The following ROBO2 variants were observed in gnomAD, a reference collection of about 807,000 sequenced individuals.
ROBO2 encodes roundabout guidance receptor 2.
In ROBO2, 53 loss-of-function variants were observed where a neutral mutation model predicts 160.8. The observed-to-expected ratio is 0.33, with a 90% CI of 0.26 to 0.41. The LOEUF (loss-of-function observed/expected upper bound fraction) is 0.41. ROBO2 is among the 10% of genes least tolerant of loss of function. The pLI, the probability that ROBO2 is intolerant of heterozygous loss-of-function variation, is 1.00. For missense variants in ROBO2, 1,577 were observed against 1,722.4 expected (o/e 0.92, Z 1.49); for synonymous variants, 664 against 611.7 (o/e 1.09, Z -1.26).
chr3:77,068,260 A>C (rs2067064979), intron 1 of ROBO2, among the ~76,000 whole-genome samples: 1 of 152,068 alleles, frequency 6.6e-6, no homozygotes, highest in Non-Finnish European at 1.5e-5. Context: ...GATATAAGAA[A>C]ATATATTTTT....
intron 2 of ROBO2, among the ~76,000 whole-genome samples, chr3:76,401,479 T>C (rs897751415): frequency 6.6e-6 from 1 of 151,488 alleles, no homozygotes; most frequent in African/African-American, 2.4e-5. Flanking sequence ...ACATGTAACA[T>C]AGATGGGAAG....
At chr3:76,297,905 G>A (rs1279127760) in intron 2 of ROBO2, among the ~76,000 whole-genome samples, 1 of 152,118 alleles carries the variant, frequency 6.6e-6, no homozygotes, top group African/African-American at 2.4e-5. Context: ...TAAAACAAGA[G>A]CAGGTACAAG....
At chr3:75,912,208 G>C (rs9870204) in intron 1 of ROBO2, among the ~76,000 whole-genome samples, 126,285 of 152,124 alleles carry the variant, frequency 0.83, 52,503 homozygotes, top group East Asian at 0.93. Context: ...ACAGGACAAA[G>C]TTTGATGAGA....
At chr3:77,393,185 A>C (rs1443238802) in intron 2 of ROBO2, among the ~76,000 whole-genome samples, 2 of 152,196 alleles carry the variant, frequency 1.3e-5, no homozygotes, top group East Asian at 3.8e-4. Context: ...ATCAATTAAC[A>C]TATTTTTATT....
chr3:77,436,852 G>T (rs1049379089), intron 2 of ROBO2, among the ~76,000 whole-genome samples: 7 of 151,886 alleles, frequency 4.6e-5, no homozygotes, highest in Admixed American at 1.3e-4. Flanking sequence ...TGTATGCAGA[G>T]GAAATATCTG....
At chr3:77,116,107 T>A (rs778102514) in intron 2 of ROBO2, among the ~76,000 whole-genome samples, 1 of 152,332 alleles carries the variant, frequency 6.6e-6, no homozygotes, top group Non-Finnish European at 1.5e-5. Context: ...TGAAATGCTC[T>A]TTGTGCACCT....
chr3:77,425,661 A>G (rs1320228327), intron 2 of ROBO2, among the ~76,000 whole-genome samples: 1 of 146,576 alleles, frequency 6.8e-6, no homozygotes, highest in Non-Finnish European at 1.5e-5. Flanking sequence ...AACGACTTCA[A>G]TATGACTCTT....
At chr3:76,533,837 T>C (rs1372069648) in intron 2 of ROBO2, among the ~76,000 whole-genome samples, 1 of 151,254 alleles carries the variant, frequency 6.6e-6, no homozygotes, top group Non-Finnish European at 1.5e-5. Flanking sequence ...TGTCCCAGGG[T>C]CAACTGATCA....
At chr3:77,578,683 T>C (rs1382020615) in intron 15 of ROBO2, among the ~76,000 whole-genome samples, 1 of 152,082 alleles carries the variant, frequency 6.6e-6, no homozygotes, top group Non-Finnish European at 1.5e-5. Flanking sequence ...TAAGAATAAA[T>C]GCTTTTACAA....
intron 2 of ROBO2, among the ~76,000 whole-genome samples, chr3:76,084,630 T>A (rs1445605489): frequency 6.6e-6 from 1 of 152,182 alleles, no homozygotes; most frequent in African/African-American, 2.4e-5. Flanking sequence ...TTATAATATC[T>A]GGCATGAAGT....
chr3:76,837,522 A>T (rs201359528), intron 2 of ROBO2, among the ~76,000 whole-genome samples: 7 of 144,762 alleles, frequency 4.8e-5, no homozygotes, highest in Non-Finnish European at 9.0e-5. Context: ...TTTTATGTTT[A>T]AAAAAAAAAC....
intron 6 of ROBO2, among the ~76,000 whole-genome samples, chr3:77,539,387 T>C (rs17015331): frequency 0.11 from 16,124 of 152,222 alleles, 1,128 homozygotes; most frequent in South Asian, 0.16. Flanking sequence ...CGGTTAGATT[T>C]GTATTCAGGT....
intron 21 of ROBO2, among the ~76,000 whole-genome samples, chr3:77,617,192 T>C (rs930883449): frequency 1.3e-5 from 2 of 151,126 alleles, no homozygotes; most frequent in Admixed American, 1.3e-4. Flanking sequence ...AATTCATTAA[T>C]TGTCTTTAAT....
chr3:76,708,528 A>G (rs1004358670), intron 2 of ROBO2, among the ~76,000 whole-genome samples: 1 of 152,200 alleles, frequency 6.6e-6, no homozygotes, highest in Admixed American at 6.5e-5. Context: ...AACAACAACC[A>G]AAAACCACAC....
chr3:76,676,055 G>A (rs1158090578), intron 2 of ROBO2, among the ~76,000 whole-genome samples: 8 of 152,042 alleles, frequency 5.3e-5, no homozygotes, highest in Non-Finnish European at 1.0e-4. Flanking sequence ...TTTTTTAAAA[G>A]GGAAATTTAG....
At chr3:77,563,087 A>G (rs1366194950) in intron 10 of ROBO2, 80 bp from the exon 12 acceptor site, 2 of 1,368,382 alleles carry the variant, frequency 1.5e-6, no homozygotes, top group African/African-American at 2.9e-5. Flanking sequence ...CAGGTCCTTT[A>G]GTAGACTGCT....
intron 2 of ROBO2, among the ~76,000 whole-genome samples, chr3:77,461,437 T>A (rs1042212439): frequency 2.0e-5 from 3 of 152,012 alleles, no homozygotes; most frequent in Non-Finnish European, 4.4e-5. Context: ...TGGAATATAA[T>A]ACATTTTATG....
intron 2 of ROBO2, among the ~76,000 whole-genome samples, chr3:76,987,088 G>A (rs1041968229): frequency 2.3e-4 from 35 of 152,148 alleles, no homozygotes; most frequent in Non-Finnish European, 4.7e-4. Context: ...AGAAGCAGGC[G>A]CTAATCTCTG....
rs139231281 is a variant in ROBO2 at position 77,577,679 on chromosome 3, C to T, written c.2328+65C>T. ...TTCCCAGAGAAATCTCAGTGTCTCACGAATGAGACACATCTCTAAAGGTTC... is the reference window on the plus strand; with the variant it reads ...TTCCCAGAGAAATCTCAGTGTCTCATGAATGAGACACATCTCTAAAGGTTC... On this transcript the variant is annotated intron_variant, in intron 15 of 25. Coordinates refer to ENST00000461745, the Ensembl canonical transcript of ROBO2. The T allele has an allele frequency of 3.5e-4, 544 of 1,534,970 alleles. 6 individuals are homozygous for T. The East Asian group carries it at 0.012, about 33-fold the overall frequency.
Sources: gnomAD v4.1 joint callset for allele counts (sites outside exome capture counted in the v4.1 genomes callset) on GRCh38, gnomAD v4.1.1 for gene constraint, MANE v1.5 for transcripts, NCBI Gene and HGNC (gene_info 2026-07-23, HGNC 2026-07-21) for gene names.